The following CREB5 variants were observed in gnomAD, a reference collection of about 807,000 sequenced individuals.
CREB5 encodes the protein cyclic AMP-responsive element-binding protein 5.
CREB5 carries 19 observed loss-of-function variants against 57.1 expected under a neutral mutation model. That is an observed-to-expected ratio of 0.33 (90% CI 0.23 to 0.49). The LOEUF is 0.49. Ranked by LOEUF, CREB5 falls within the 20% of genes least tolerant of loss-of-function variation. The pLI is 0.99. For synonymous variants in CREB5, 238 were observed against 238.3 expected (o/e 1.00, Z 0.01); for missense variants, 579 against 671.6 (o/e 0.86, Z 1.52).
chr7:28,533,393 C>T (rs963737806), intron 4 of CREB5, among the ~76,000 whole-genome samples: 2 of 152,136 alleles, frequency 1.3e-5, no homozygotes, highest in African/African-American at 2.4e-5. Context: ...TAACTTGTTC[C>T]GGGCCATAAG....
In CREB5 at chr7:28,561,025, C is replaced by CGT. The variant is rs79113344; in HGVS notation, c.292-9322_292-9321dup. ...GTGTGCGTGTGTGTGTGCGTGTGTG[C>CGT]GTGTGTGTGTGTGTGTGTGAAGGTA... is the stretch of plus-strand genomic sequence containing the variant. On this transcript the variant is annotated intron_variant, in intron 4 of 10. Coordinates refer to ENST00000357727, the MANE Select transcript of CREB5 (RefSeq NM_182898.4). 3.4e-3 allele frequency among the ~76,000 whole-genome samples: 170 copies of CGT among 49,696 alleles called. 10 individuals are homozygous for CGT. In the East Asian group the frequency reaches 0.039, roughly 11 times the overall value. The allele number at this position is 49,696 out of a possible 152,430, so 32.6% of individuals were successfully genotyped here.
chr7:28,559,565 T>G (rs1417476348), intron 4 of CREB5, among the ~76,000 whole-genome samples: 1 of 145,448 alleles, frequency 6.9e-6, no homozygotes, highest in Non-Finnish European at 1.5e-5. Context: ...TCCGCCCGCC[T>G]CAGCCTCCCA....
intron 5 of CREB5, among the ~76,000 whole-genome samples, chr7:28,696,617 T>G (rs117329059): frequency 1.4e-3 from 214 of 152,214 alleles, no homozygotes; most frequent in Middle Eastern, 3.4e-3. Context: ...GTTTTTAAAT[T>G]TTTTTGATAT....
chr7:28,563,570 G>A lies in CREB5; in HGVS notation c.292-6795G>A, dbSNP rs532076315. 1.2e-3 allele frequency among the ~76,000 whole-genome samples: 179 copies of A among 152,292 alleles called. 1 individual carries two copies. The highest frequency in any genetic ancestry group is 2.5e-3 in the Non-Finnish European group (167 of 68,020). ...AGACAGGGTCTCACTCTGTCACCCA[G>A]GCTGGAGTGCAGTGGTGCAATCACG... On this transcript the variant is annotated intron_variant, in intron 4 of 10. Coordinates refer to ENST00000357727, the MANE Select transcript of CREB5 (RefSeq NM_182898.4).
At chr7:28,656,953 T>A (rs890078082) in intron 5 of CREB5, among the ~76,000 whole-genome samples, 2 of 152,068 alleles carry the variant, frequency 1.3e-5, no homozygotes, top group Non-Finnish European at 2.9e-5. Context: ...GACAGCCAAC[T>A]CACAGGACAA....
chr7:28,763,385 A>G (rs565743646), intron 7 of CREB5, among the ~76,000 whole-genome samples: 84 of 152,316 alleles, frequency 5.5e-4, no homozygotes, highest in Non-Finnish European at 8.4e-4. Flanking sequence ...GCTTTTAAAG[A>G]CAGTCCACTA....
intron 1 of CREB5, among the ~76,000 whole-genome samples, chr7:28,339,312 T>A (rs2127988475): frequency 6.6e-6 from 1 of 152,244 alleles, no homozygotes; most frequent in Admixed American, 6.5e-5. Context: ...GTGATCTAAG[T>A]TTTTAGTCAT....
intron 4 of CREB5, among the ~76,000 whole-genome samples, chr7:28,543,229 A>G (rs889440837): frequency 1.3e-5 from 2 of 152,214 alleles, no homozygotes; most frequent in Admixed American, 1.3e-4. Flanking sequence ...GCAGGAAGGC[A>G]TAAAATGAAA....
intron 1 of CREB5, among the ~76,000 whole-genome samples, chr7:28,393,617 A>T (rs1365019216): frequency 6.6e-6 from 1 of 152,248 alleles, no homozygotes; most frequent in East Asian, 1.9e-4. Flanking sequence ...CAGCTGTCTA[A>T]CAAAAAACAG....
intron 7 of CREB5, among the ~76,000 whole-genome samples, chr7:28,747,305 T>C (rs1458496896): frequency 6.6e-6 from 1 of 152,248 alleles, no homozygotes; most frequent in Non-Finnish European, 1.5e-5. Flanking sequence ...TATTTAAATC[T>C]TCTCAGCATC....
chr7:28,735,221 A>G (rs1803906900), intron 7 of CREB5, among the ~76,000 whole-genome samples: 1 of 152,130 alleles, frequency 6.6e-6, no homozygotes. Flanking sequence ...TCTGATTTTT[A>G]TAGTTATACA....
At chr7:28,673,684 T>C (rs1233503413) in intron 5 of CREB5, among the ~76,000 whole-genome samples, 2 of 130,940 alleles carry the variant, frequency 1.5e-5, no homozygotes, top group African/African-American at 5.9e-5. Flanking sequence ...TTTTTTTTTT[T>C]TTGGAGACAT....
intron 4 of CREB5, among the ~76,000 whole-genome samples, chr7:28,548,286 T>C (rs572071102): frequency 1.1e-3 from 160 of 152,288 alleles, no homozygotes; most frequent in Middle Eastern, 6.8e-3. Flanking sequence ...CCATACCTTT[T>C]ACAATTAAAT....
intron 5 of CREB5, among the ~76,000 whole-genome samples, chr7:28,573,992 T>C (rs1009030417): frequency 2.0e-5 from 3 of 152,146 alleles, no homozygotes; most frequent in African/African-American, 7.2e-5. Flanking sequence ...AATATAAATA[T>C]CTCAAATTGC....
At chr7:28,699,568 A>G (rs1011127785) in intron 5 of CREB5, among the ~76,000 whole-genome samples, 2 of 152,206 alleles carry the variant, frequency 1.3e-5, no homozygotes, top group Non-Finnish European at 2.9e-5. Context: ...AAGATAGTGC[A>G]TAACAGTGAT....
At chr7:28,771,681 C>G (rs1369591067) in intron 7 of CREB5, among the ~76,000 whole-genome samples, 1 of 148,244 alleles carries the variant, frequency 6.7e-6, no homozygotes, top group Non-Finnish European at 1.5e-5. Flanking sequence ...TGGCAAGTAC[C>G]TAAAACAAAA....
intron 3 of CREB5, among the ~76,000 whole-genome samples, chr7:28,497,160 A>G (rs946930201): frequency 3.9e-5 from 6 of 152,266 alleles, no homozygotes; most frequent in Admixed American, 1.3e-4. Flanking sequence ...GATTACTACT[A>G]CAGTGTAAGT....
At chr7:28,670,828 C>T (rs1289093105) in intron 5 of CREB5, among the ~76,000 whole-genome samples, 1 of 152,134 alleles carries the variant, frequency 6.6e-6, no homozygotes, top group Non-Finnish European at 1.5e-5. Flanking sequence ...GTTACCATTA[C>T]ATTTCTTTAA....
At chr7:28,725,657 AAAAAAG>A (rs1562598247) in intron 7 of CREB5, among the ~76,000 whole-genome samples, 3 of 150,988 alleles carry the variant, frequency 2.0e-5, no homozygotes, top group Non-Finnish European at 2.9e-5. Context: ...AAAAAAAAAA[AAAAAAG>A]AAAGAAAGAA....
Sources: allele counts gnomAD v4.1 joint callset (sites outside exome capture counted in the v4.1 genomes callset), GRCh38; gene constraint gnomAD v4.1.1; transcripts MANE v1.5; gene names NCBI Gene and HGNC (gene_info 2026-07-23, HGNC 2026-07-21).